The following COL25A1 variants were observed in gnomAD, a reference collection of about 807,000 sequenced individuals.
COL25A1 encodes the protein collagen type XXV alpha 1 chain.
In COL25A1, 103 loss-of-function variants were observed where a neutral mutation model predicts 128.4. That is an observed-to-expected ratio of 0.80 (90% CI 0.68 to 0.94). The LOEUF (loss-of-function observed/expected upper bound fraction) is 0.94, where lower values mean the gene tolerates loss of function less well. Ranked by LOEUF, COL25A1 falls within the 40% of genes least tolerant of loss-of-function variation. The pLI is 0.00. For missense variants in COL25A1, 745 were observed against 840.0 expected (o/e 0.89, Z 1.40); for synonymous variants, 279 against 277.2 (o/e 1.01, Z -0.06).
intron 3 of COL25A1, among the ~76,000 whole-genome samples, chr4:109,172,476 G>A (rs1273308727): frequency 6.6e-6 from 1 of 152,136 alleles, no homozygotes; most frequent in Non-Finnish European, 1.5e-5. Flanking sequence ...ACAAATCCAT[G>A]TCCTGACCAC....
chr4:109,053,689 C>T (rs1003007996), intron 3 of COL25A1, among the ~76,000 whole-genome samples: 14 of 152,096 alleles, frequency 9.2e-5, no homozygotes, highest in African/African-American at 3.4e-4. Flanking sequence ...TCTTGATACT[C>T]CAAGAAGAGA....
At chr4:108,952,270 GAATA>G (rs1749522058) in intron 8 of COL25A1, among the ~76,000 whole-genome samples, 1 of 151,634 alleles carries the variant, frequency 6.6e-6, no homozygotes, top group South Asian at 2.1e-4. Flanking sequence ...TTGCTTTAAT[GAATA>G]AATAAGCACA....
At chr4:108,937,712 G>A in intron 11 of COL25A1, 96 bp downstream of exon 11, 4 of 1,000,172 alleles carry the variant, frequency 4.0e-6, no homozygotes, top group Non-Finnish European at 5.9e-6. Flanking sequence ...TTTTATTATA[G>A]TCTGTCATAT....
intron 6 of COL25A1, among the ~76,000 whole-genome samples, chr4:109,009,316 A>G (rs1756353915): frequency 6.6e-6 from 1 of 152,210 alleles, no homozygotes; most frequent in Non-Finnish European, 1.5e-5. Context: ...AAATAATGAG[A>G]ATATAGGTAT....
intron 8 of COL25A1, among the ~76,000 whole-genome samples, chr4:108,955,529 T>C (rs1419832947): frequency 2.0e-5 from 3 of 152,144 alleles, no homozygotes; most frequent in African/African-American, 7.2e-5. Flanking sequence ...AGGATTTCCT[T>C]CTTTATGAAT....
chr4:108,927,986 TA>T (rs1469511510), intron 11 of COL25A1, among the ~76,000 whole-genome samples: 4 of 152,164 alleles, frequency 2.6e-5, no homozygotes, highest in African/African-American at 9.7e-5. Context: ...ATATCCACAC[TA>T]AAATTAGCTC....
At chr4:109,196,005 C>T (rs1776007365) in intron 3 of COL25A1, among the ~76,000 whole-genome samples, 1 of 152,170 alleles carries the variant, frequency 6.6e-6, no homozygotes, top group South Asian at 2.1e-4. Context: ...TGTCCTGCCC[C>T]TGAAATAGCA....
At chr4:108,886,467 TG>T (rs1560806085) in intron 18 of COL25A1, among the ~76,000 whole-genome samples, 39 of 120,814 alleles carry the variant, frequency 3.2e-4, no homozygotes, top group African/African-American at 1.1e-3. Context: ...TGTGTGTGTG[TG>T]TGTGTGTGTG....
At chr4:109,101,431 C>T (rs1410269671) in intron 3 of COL25A1, among the ~76,000 whole-genome samples, 2 of 152,070 alleles carry the variant, frequency 1.3e-5, no homozygotes, top group African/African-American at 4.8e-5. Context: ...GCCTATCTGG[C>T]CTTGTGGAAG....
At chr4:108,975,817 T>C (rs1752377480) in intron 6 of COL25A1, among the ~76,000 whole-genome samples, 1 of 152,194 alleles carries the variant, frequency 6.6e-6, no homozygotes, top group African/African-American at 2.4e-5. Context: ...TTTCATAAAG[T>C]GTCTCTTCAT....
chr4:109,234,302 C>A (rs980798261), intron 3 of COL25A1, among the ~76,000 whole-genome samples: 2 of 152,106 alleles, frequency 1.3e-5, no homozygotes, highest in African/African-American at 4.8e-5. Flanking sequence ...GTGCCTTCCC[C>A]TTTTCTAACA....
chr4:109,277,114 T>C (rs1722925307), intron 3 of COL25A1, among the ~76,000 whole-genome samples: 1 of 152,222 alleles, frequency 6.6e-6, no homozygotes. Flanking sequence ...TTGTGCATCA[T>C]GTAATAGAAC....
intron 3 of COL25A1, among the ~76,000 whole-genome samples, chr4:109,218,206 T>A (rs1331028158): frequency 6.6e-6 from 1 of 152,122 alleles, no homozygotes; most frequent in Non-Finnish European, 1.5e-5. Context: ...TTCAGATGAA[T>A]CCTGTAATAT....
chr4:109,218,357 G>GTTTTTTTTTTTTTTTTT (rs34056401), intron 3 of COL25A1, among the ~76,000 whole-genome samples: 8 of 73,532 alleles, frequency 1.1e-4, no homozygotes, highest in Non-Finnish European at 1.6e-4. Context: ...GTTTTTTGGG[G>GTTTTTTTTTTTTTTTTT]TTTTTTTTTT....
chr4:108,969,057 A>G (rs1751631549), intron 8 of COL25A1, among the ~76,000 whole-genome samples: 1 of 152,170 alleles, frequency 6.6e-6, no homozygotes, highest in Non-Finnish European at 1.5e-5. Context: ...TGTCAGCTGA[A>G]TAGGGACACT....
At chr4:109,147,816 C>CA (rs34761348) in intron 3 of COL25A1, among the ~76,000 whole-genome samples, 9,038 of 100,378 alleles carry the variant, frequency 0.09, 481 homozygotes, top group African/African-American at 0.19. Context: ...GACTCTGTCT[C>CA]AAAAAAAAAA....
At chr4:109,249,403 T>C (rs890673372) in intron 3 of COL25A1, among the ~76,000 whole-genome samples, 1 of 146,498 alleles carries the variant, frequency 6.8e-6, no homozygotes, top group African/African-American at 2.5e-5. Context: ...AACTACCTGC[T>C]GTCCACCTTA....
chr4:109,228,150 T>C (rs1016455849), intron 3 of COL25A1, among the ~76,000 whole-genome samples: 4 of 152,134 alleles, frequency 2.6e-5, no homozygotes, highest in African/African-American at 7.2e-5. Context: ...ATGGTATCCA[T>C]TAATGTTGAG....
At chr4:109,237,594 CT>C (rs1779559538) in intron 3 of COL25A1, among the ~76,000 whole-genome samples, 1 of 148,974 alleles carries the variant, frequency 6.7e-6, no homozygotes. Context: ...AGAATGTATA[CT>C]GGTAAAGGAA....
Sources: gnomAD v4.1 joint callset for allele counts (sites outside exome capture counted in the v4.1 genomes callset) on GRCh38, gnomAD v4.1.1 for gene constraint, MANE v1.5 for transcripts, NCBI Gene and HGNC (gene_info 2026-07-23, HGNC 2026-07-21) for gene names.